CARMIL1: variants seen among roughly 807,000 people sequenced by gnomAD.
CARMIL1 encodes the protein capping protein regulator and myosin 1 linker 1, also known as F-actin-uncapping protein LRRC16A.
A neutral mutation model predicts 177.1 loss-of-function variants in CARMIL1; 90 were observed. The ratio of observed to expected loss-of-function variants is 0.51; its 90% CI spans 0.43 to 0.61. The LOEUF (loss-of-function observed/expected upper bound fraction) is 0.61. Among genes scored for constraint, CARMIL1 ranks in the 20% least tolerant of loss-of-function variants. The probability of loss-of-function intolerance (pLI) is 0.00; values close to 1 mark genes in which losing one functional copy is unlikely to be tolerated. For missense variants in CARMIL1, 1,380 were observed against 1,667.0 expected (o/e 0.83, Z 3.00); for synonymous variants, 577 against 606.2 (o/e 0.95, Z 0.71).
Position 25,515,935 on chromosome 6 carries a change from G to A in CARMIL1, c.1805+88G>A. The A allele has an allele frequency of 7.5e-7, 1 of 1,341,914 alleles. No homozygotes were observed. The highest frequency in any genetic ancestry group is 1.0e-6 in the Non-Finnish European group (1 of 997,360). 83.1% of individuals were successfully genotyped at this position (1,341,914 alleles called of 1,614,324 possible). ...ATTGCAGAGCTGCTGGGCCCGAGGG[G>A]ACCTGGGCTTCCCATGAGGCCATCT... On this transcript the variant is annotated intron_variant, in intron 21 of 36. Transcript: ENST00000329474. The surrounding 1 kb of genome is among the most constrained non-coding windows in gnomAD (Gnocchi z 5.0).
At chr6:25,373,392 C>CTTTTTTTTT (rs36050000) in intron 2 of CARMIL1, among the ~76,000 whole-genome samples, 1 of 122,912 alleles carries the variant, frequency 8.1e-6, no homozygotes, top group African/African-American at 3.0e-5. Context: ...TGGCCTTCGG[C>CTTTTTTTTT]TTTTTTTTTT....
At chr6:25,291,801 T>G (rs1581462703) in intron 2 of CARMIL1, among the ~76,000 whole-genome samples, 2 of 152,160 alleles carry the variant, frequency 1.3e-5, no homozygotes, top group African/African-American at 4.8e-5. Flanking sequence ...GAGATTTGGT[T>G]TTTGCTCTGG....
intron 1 of CARMIL1, among the ~76,000 whole-genome samples, chr6:25,283,279 A>T (rs1055055269): frequency 6.6e-6 from 1 of 152,128 alleles, no homozygotes; most frequent in Non-Finnish European, 1.5e-5. Context: ...GACGTGATGA[A>T]TCTCACAGTT....
At chr6:25,485,601 AT>A (rs1219990208) in intron 12 of CARMIL1, among the ~76,000 whole-genome samples, 1 of 151,740 alleles carries the variant, frequency 6.6e-6, no homozygotes, top group Non-Finnish European at 1.5e-5. Context: ...CGCCCAGCTA[AT>A]TTTTGTATTT....
At chr6:25,319,787 T>A (rs867056307) in intron 2 of CARMIL1, among the ~76,000 whole-genome samples, 2 of 120,920 alleles carry the variant, frequency 1.7e-5, no homozygotes, top group Middle Eastern at 4.2e-3. Context: ...TTTTTTTTTT[T>A]AAACAGAGTC....
chr6:25,604,923 AG>A (rs1370438541), intron 34 of CARMIL1, 30 bp downstream of exon 34: 1 of 1,541,166 alleles, frequency 6.5e-7, no homozygotes, highest in East Asian at 2.4e-5. Context: ...TCACCCCCTT[AG>A]GAAAAGCGCT....
chr6:25,294,586 TTTC>T (rs751524174), intron 2 of CARMIL1, among the ~76,000 whole-genome samples: 20 of 152,236 alleles, frequency 1.3e-4, no homozygotes, highest in Non-Finnish European at 2.6e-4. Flanking sequence ...TCACTCTCCA[TTTC>T]TTCTTGCATA....
intron 16 of CARMIL1, 106 bp from the exon 17 acceptor site, chr6:25,500,060 C>G: frequency 2.1e-6 from 2 of 948,958 alleles, no homozygotes; most frequent in South Asian, 3.0e-5. Context: ...ACCTGTGATT[C>G]AGAAAAGGCA....
intron 1 of CARMIL1, 79 bp from the exon 2 acceptor site, chr6:25,284,733 C>T: frequency 1.3e-6 from 1 of 799,908 alleles, no homozygotes. Flanking sequence ...GTAAAAACAA[C>T]CAAATATACT....
intron 2 of CARMIL1, among the ~76,000 whole-genome samples, chr6:25,325,196 G>A (rs1339290247): frequency 1.3e-5 from 2 of 152,162 alleles, no homozygotes; most frequent in Non-Finnish European, 2.9e-5. Flanking sequence ...TTGTTGAGCT[G>A]TGCCCTGAGA....
chr6:25,451,986 G>GGGGGGGGGGGGGGGGCCC, intron 8 of CARMIL1: 1 of 112,670 alleles, frequency 8.9e-6, no homozygotes. Context: ...CTAGCATCTT[G>GGGGGGGGGGGGGGGGCCC]CCCCCCCCTC....
At chr6:25,613,096 A>C (rs1816628987) in intron 36 of CARMIL1, among the ~76,000 whole-genome samples, 2 of 152,242 alleles carry the variant, frequency 1.3e-5, no homozygotes. Context: ...ATCTAAAATT[A>C]GAAATTCTTA....
rs138427321 is a variant in CARMIL1, at chr6:25,295,650, C to T, written c.138+10741C>T. Reference sequence around the variant, plus strand: ...GCTTGGATCCGTGTATTTCTTAGACCAGTGCTCCTTGGACCCTAGCTCCTG... The same window carrying T: ...GCTTGGATCCGTGTATTTCTTAGACTAGTGCTCCTTGGACCCTAGCTCCTG... On this transcript the variant is annotated intron_variant, in intron 2 of 36. Transcript: ENST00000329474. 1.2e-3 allele frequency among the ~76,000 whole-genome samples: 176 copies of T among 152,280 alleles called. 2 individuals are homozygous for T. In the East Asian group the frequency reaches 0.03, roughly 26 times the overall value.
In CARMIL1 at chr6:25,542,986, A is replaced by C. The variant is rs966936421; in HGVS notation, c.2328+2908A>C. On this transcript the variant is annotated intron_variant, in intron 26 of 36. Transcript: ENST00000329474. ...TTTTCTGTTTCCCACATTCTCTAAA[A>C]TTAACATGTTAAACTTGCAAGAGCT... Among the ~76,000 whole-genome samples, 18 of 152,200 alleles carry C rather than the reference A, an allele frequency of 1.2e-4. 2 individuals are homozygous for C. Among genetic ancestry groups the C allele is most frequent in the Non-Finnish European group, 2.9e-5 (2 of 68,024 alleles).
intron 2 of CARMIL1, among the ~76,000 whole-genome samples, chr6:25,315,477 G>A (rs958310688): frequency 1.3e-5 from 2 of 152,190 alleles, no homozygotes; most frequent in Admixed American, 6.5e-5. Flanking sequence ...CACACATGGC[G>A]GCAGGTGCCA....
chr6:25,557,002 C>T (rs1449484248), intron 29 of CARMIL1, among the ~76,000 whole-genome samples, 152 bp downstream of exon 29: 1 of 151,510 alleles, frequency 6.6e-6, no homozygotes, highest in Non-Finnish European at 1.5e-5. Flanking sequence ...CCTAAAGAGG[C>T]CGCTAATGAA....
chr6:25,471,010 A>T (rs1801055499), intron 9 of CARMIL1, among the ~76,000 whole-genome samples, 159 bp from the exon 10 acceptor site: 1 of 152,142 alleles, frequency 6.6e-6, no homozygotes, highest in Admixed American at 6.5e-5. Context: ...TATTTCCAGG[A>T]TCTTCATCAC....
At position 25,606,085 on chromosome 6, in the gene CARMIL1, C is replaced by T. The variant is rs375498009; in HGVS notation, c.3659C>T (p.Pro1220Leu). The T allele has an allele frequency of 1.2e-6, 2 of 1,613,614 alleles. No homozygotes were observed. The highest frequency in any genetic ancestry group is 1.1e-5 in the South Asian group (1 of 91,034). ...GTGCCTAAACTGCACCCAGGTCTTC[C>T]AGAGAACCGCTTTGGTTTGGGAACA... ...GAVPKLHPGLPENRFGLGTPE... is the reference protein window; with the variant it reads ...GAVPKLHPGLLENRFGLGTPE... Residue 1220 changes from proline to leucine, a missense_variant, in exon 35 of 37, where the codon CCA (proline) becomes CTA (leucine). By Grantham distance (98) the Pro-to-Leu change is moderately conservative. Coordinates refer to ENST00000329474, the MANE Select transcript of CARMIL1 (RefSeq NM_017640.6).
At chr6:25,617,389 A>G (rs916314989) in intron 36 of CARMIL1, among the ~76,000 whole-genome samples, 14 of 151,940 alleles carry the variant, frequency 9.2e-5, no homozygotes, top group African/African-American at 3.4e-4. Context: ...GTTAGACCCA[A>G]GATTGCCAGG....
Sources: gnomAD v4.1 joint callset for allele counts (sites outside exome capture counted in the v4.1 genomes callset) on GRCh38, gnomAD v4.1.1 for gene constraint, Gnocchi (gnomAD v3.1) non-coding constraint, MANE v1.5 for transcripts, NCBI Gene and HGNC (gene_info 2026-07-23, HGNC 2026-07-21) for gene names.